XIRP2: variants seen among roughly 807,000 people sequenced by gnomAD.
XIRP2 encodes xin actin-binding repeat-containing protein 2.
Under a neutral mutation model 277.0 loss-of-function variants are expected in XIRP2, and 236 were observed. That is an observed-to-expected ratio of 0.85 (90% CI 0.77 to 0.95). The LOEUF (loss-of-function observed/expected upper bound fraction) is 0.95, where lower values mean the gene tolerates loss of function less well. Among genes scored for constraint, XIRP2 ranks in the 40% least tolerant of loss-of-function variants. XIRP2 has a pLI of 0.00. For synonymous variants in XIRP2, 1,490 were observed against 1,416.5 expected (o/e 1.05, Z -1.17); for missense variants, 4,640 against 4,157.5 (o/e 1.12, Z -3.19).
intron 3 of XIRP2, among the ~76,000 whole-genome samples, chr2:167,165,194 T>C (rs551309804): frequency 2.6e-5 from 4 of 152,334 alleles, no homozygotes; most frequent in African/African-American, 7.2e-5. Context: ...TTCTTCTACA[T>C]TGAATAATAT....
chr2:167,251,302 C>T lies in XIRP2; in HGVS notation c.9910C>T (p.Arg3304Cys), dbSNP rs374718160. 1.7e-4 allele frequency: 271 copies of T among 1,613,474 alleles called. No individual in the cohort carries two copies. Among genetic ancestry groups the T allele is most frequent in the Non-Finnish European group, 2.2e-4 (261 of 1,179,692 alleles). The change falls in exon 9 of 11, where the codon CGC (arginine) becomes TGC (cysteine). Residue 3304 changes from arginine to cysteine, a missense_variant. By Grantham distance (180) the Arg-to-Cys change is radical. Coordinates refer to ENST00000409195, the MANE Select transcript of XIRP2 (RefSeq NM_152381.6). ...EIIRKVAVPPRLSEHTQRYEA... is the reference protein window; with the variant it reads ...EIIRKVAVPPCLSEHTQRYEA... ...CATCCGCAAGGTTGCAGTGCCTCCTCGCCTGTCAGAGCACACACAGAGATA... is the reference window on the plus strand; with the variant it reads ...CATCCGCAAGGTTGCAGTGCCTCCTTGCCTGTCAGAGCACACACAGAGATA...
intron 2 of XIRP2, among the ~76,000 whole-genome samples, chr2:166,940,832 C>T (rs1414497756): frequency 6.6e-6 from 1 of 152,134 alleles, no homozygotes; most frequent in Non-Finnish European, 1.5e-5. Flanking sequence ...GGTACCTGGC[C>T]ATGTGGGGTG....
intron 3 of XIRP2, among the ~76,000 whole-genome samples, chr2:167,202,100 T>C (rs1693737127): frequency 6.6e-6 from 1 of 152,166 alleles, no homozygotes; most frequent in African/African-American, 2.4e-5. Flanking sequence ...AATATACGTC[T>C]GATTGTACTA....
intron 2 of XIRP2, among the ~76,000 whole-genome samples, chr2:167,037,132 G>A (rs62197375): frequency 0.034 from 5,110 of 152,242 alleles, 108 homozygotes; most frequent in Non-Finnish European, 0.053. Context: ...TCCACTTTCA[G>A]CATTGGACAC....
At chr2:166,936,922 T>C (rs1270945914) in intron 2 of XIRP2, among the ~76,000 whole-genome samples, 1 of 152,218 alleles carries the variant, frequency 6.6e-6, no homozygotes, top group African/African-American at 2.4e-5. Context: ...ATATGGACTT[T>C]AAAGTAGTTT....
At chr2:167,050,947 A>G (rs1688898369) in intron 2 of XIRP2, among the ~76,000 whole-genome samples, 1 of 151,842 alleles carries the variant, frequency 6.6e-6, no homozygotes, top group Non-Finnish European at 1.5e-5. Flanking sequence ...TGGAATTCAA[A>G]CCTCCCTAAT....
At chr2:167,194,262 G>T (rs1415707583) in intron 3 of XIRP2, among the ~76,000 whole-genome samples, 1 of 151,694 alleles carries the variant, frequency 6.6e-6, no homozygotes, top group Non-Finnish European at 1.5e-5. Flanking sequence ...TGTATTTTTA[G>T]TAGAGACGAG....
chr2:167,213,542 C>G (rs114992186), intron 4 of XIRP2, among the ~76,000 whole-genome samples: 3,178 of 152,212 alleles, frequency 0.021, 44 homozygotes, highest in Middle Eastern at 0.048. Context: ...CATTAGATTC[C>G]AAACCTTATT....
intron 5 of XIRP2, among the ~76,000 whole-genome samples, chr2:167,235,822 AT>A: frequency 6.6e-6 from 1 of 152,098 alleles, no homozygotes; most frequent in East Asian, 1.9e-4. Context: ...ATTAATAAAA[AT>A]AAAAAGAGAA....
chr2:167,064,477 A>T (rs1689252904), intron 2 of XIRP2, among the ~76,000 whole-genome samples: 1 of 151,882 alleles, frequency 6.6e-6, no homozygotes, highest in Non-Finnish European at 1.5e-5. Flanking sequence ...TTAAACTATA[A>T]ATTATCTTTT....
chr2:167,121,477 T>A (rs1263319214), intron 2 of XIRP2, among the ~76,000 whole-genome samples: 2 of 152,186 alleles, frequency 1.3e-5, no homozygotes, highest in Non-Finnish European at 1.5e-5. Context: ...GGCACGTCAG[T>A]TTTAAAATAT....
intron 2 of XIRP2, among the ~76,000 whole-genome samples, chr2:167,025,431 G>A (rs1275125551): frequency 6.6e-6 from 1 of 151,932 alleles, no homozygotes; most frequent in Non-Finnish European, 1.5e-5. Context: ...ATTTTTTGAA[G>A]GGTTTTTTGT....
At chr2:167,218,446 T>C in intron 5 of XIRP2, 146 bp downstream of exon 5, 1 of 980,546 alleles carries the variant, frequency 1.0e-6, no homozygotes, top group African/African-American at 1.7e-5. Context: ...TTCTAGAAAA[T>C]CATCTTTAAA....
intron 3 of XIRP2, among the ~76,000 whole-genome samples, chr2:167,200,870 A>G (rs2105376459): frequency 6.6e-6 from 1 of 152,172 alleles, no homozygotes; most frequent in Admixed American, 6.6e-5. Flanking sequence ...TCACGCCTGC[A>G]ACCCCAGCAC....
rs1343738031 is a variant in XIRP2 at position 167,001,070 on chromosome 2, AT to A, written c.408+97184del. Among the ~76,000 whole-genome samples, 2 of 152,080 alleles carry A rather than the reference AT, an allele frequency of 1.3e-5. 1 individual carries two copies. The highest frequency in any genetic ancestry group is 3.9e-4 in the East Asian group (2 of 5,194). On this transcript the variant is annotated intron_variant, in intron 2 of 10. Transcript: ENST00000409195. ...AAATAAGTATGAAGAAATTTTGATCATTTTCTATAATGATTAGTTTAATATT... is the reference window on the plus strand; with the variant it reads ...AAATAAGTATGAAGAAATTTTGATCATTTCTATAATGATTAGTTTAATATT...
At chr2:166,900,361 G>C (rs1438501999) in intron 1 of XIRP2, among the ~76,000 whole-genome samples, 1 of 151,606 alleles carries the variant, frequency 6.6e-6, no homozygotes, top group Non-Finnish European at 1.5e-5. Flanking sequence ...GTTTGCTAAG[G>C]CTTTCCACTT....
At chr2:167,133,016 G>T (rs1028453369) in intron 2 of XIRP2, among the ~76,000 whole-genome samples, 1 of 152,160 alleles carries the variant, frequency 6.6e-6, no homozygotes, top group African/African-American at 2.4e-5. Flanking sequence ...AACATTAGGT[G>T]TTCAATGACT....
At chr2:167,151,534 C>T (rs1416863010) in intron 3 of XIRP2, among the ~76,000 whole-genome samples, 1 of 152,100 alleles carries the variant, frequency 6.6e-6, no homozygotes, top group African/African-American at 2.4e-5. Context: ...AGGATGTTAA[C>T]ACCAATTATA....
At chr2:167,005,203 T>C (rs952816168) in intron 2 of XIRP2, among the ~76,000 whole-genome samples, 2 of 151,916 alleles carry the variant, frequency 1.3e-5, no homozygotes, top group Non-Finnish European at 2.9e-5. Flanking sequence ...AATAAGGAAG[T>C]GAATCACTTT....
Sources: allele counts gnomAD v4.1 joint callset (sites outside exome capture counted in the v4.1 genomes callset), GRCh38; gene constraint gnomAD v4.1.1; transcripts MANE v1.5; gene names NCBI Gene and HGNC (gene_info 2026-07-23, HGNC 2026-07-21).